The following TRIP12 variants were observed in gnomAD, a reference collection of about 807,000 sequenced individuals.
The protein encoded by TRIP12 is thyroid hormone receptor interactor 12.
Under a neutral mutation model 244.2 loss-of-function variants are expected in TRIP12, and 25 were observed. That is an observed-to-expected ratio of 0.10 (90% CI 0.07 to 0.14). TRIP12 has a LOEUF of 0.14. TRIP12 is among the 10% of genes least tolerant of loss of function. The probability of loss-of-function intolerance (pLI) is 1.00; values close to 1 mark genes in which losing one functional copy is unlikely to be tolerated. For missense variants in TRIP12, 1,677 were observed against 2,486.4 expected (o/e 0.67, Z 6.92); for synonymous variants, 905 against 873.1 (o/e 1.04, Z -0.64).
rs1559263809 is a variant in TRIP12 at position 229,767,745 on chromosome 2, G to A, written c.6013C>T (p.Arg2005Trp). Residue 2005 changes from arginine (R) to tryptophan (W), a missense_variant, in exon 42 of 42, where the codon CGG (arginine) becomes TGG (tryptophan). By Grantham distance (101) the Arg-to-Trp change is moderately radical. Around this residue, in one of 11 missense-constraint regions of TRIP12, gnomAD observed 171 missense variants for 388.4 expected, o/e 0.44. Coordinates refer to ENST00000675903, the MANE Select transcript of TRIP12 (RefSeq NM_001348323.3). ...GSPRLPVGGF[R>W]SLNPPLTIVR... ...ATTGTCAAAGGTGGATTCAAACTCC[G>A]GAATCCTGATTAAGAGAAAAAGAAA... 6 of 1,605,624 alleles carry A rather than the reference G, an allele frequency of 3.7e-6. No homozygotes were observed. Among genetic ancestry groups the A allele is most frequent in the African/African-American group, 1.3e-5 (1 of 74,476 alleles).
chr2:229,893,496 T>G (rs1408508892), intron 1 of TRIP12, among the ~76,000 whole-genome samples: 1 of 151,634 alleles, frequency 6.6e-6, no homozygotes, highest in Non-Finnish European at 1.5e-5. Flanking sequence ...TGTTCTAATT[T>G]TTTTTTTTTT....
intron 22 of TRIP12, 74 bp downstream of exon 22, chr2:229,799,209 T>C: frequency 6.4e-7 from 1 of 1,562,310 alleles, no homozygotes; most frequent in Non-Finnish European, 8.8e-7. Context: ...CTACTGGCAG[T>C]TTTAATAAAG....
intron 1 of TRIP12, among the ~76,000 whole-genome samples, chr2:229,885,803 G>A (rs1291941186): frequency 1.3e-5 from 2 of 152,022 alleles, no homozygotes; most frequent in African/African-American, 4.8e-5. Flanking sequence ...GGAGCTTACT[G>A]CTCTGTATCG....
chr2:229,839,801 G>A (rs1360795713), intron 5 of TRIP12, among the ~76,000 whole-genome samples: 1 of 152,190 alleles, frequency 6.6e-6, no homozygotes, highest in Admixed American at 6.5e-5. Context: ...AAGCCGAGAG[G>A]AAGTTGCAGG....
At chr2:229,882,707 T>C (rs960975122) in intron 1 of TRIP12, among the ~76,000 whole-genome samples, 6 of 152,218 alleles carry the variant, frequency 3.9e-5, no homozygotes, top group Admixed American at 3.3e-4. Context: ...GGTTAGTAGT[T>C]GTCACCTGCC....
Position 229,797,823 on chromosome 2 carries a change from A to G in TRIP12, c.3491T>C (p.Ile1164Thr). The G allele has an allele frequency of 1.9e-6, 3 of 1,613,190 alleles. No homozygotes were observed. Among genetic ancestry groups the G allele is most frequent in the Non-Finnish European group, 2.5e-6 (3 of 1,179,622 alleles). The change falls in exon 24 of 42, where the codon ATT (isoleucine) becomes ACT (threonine). Residue 1164 changes from isoleucine (I) to threonine (T), a missense_variant. Coordinates refer to ENST00000675903, the MANE Select transcript of TRIP12 (RefSeq NM_001348323.3). ...KDTISNNREK[I>T]KGWIKEQAHK... Reference sequence around the variant, plus strand: ...TGCCTGCTCCTTAATCCAACCTTTAATTTTTTCTCTACAAGAAACAAAAAG... The same window carrying G: ...TGCCTGCTCCTTAATCCAACCTTTAGTTTTTTCTCTACAAGAAACAAAAAG...
At chr2:229,840,987 T>C in intron 4 of TRIP12, 60 bp from the exon 5 acceptor site, 2 of 1,274,384 alleles carry the variant, frequency 1.6e-6, no homozygotes. Context: ...TAATTAAAAA[T>C]TATAAAATTC....
intron 4 of TRIP12, among the ~76,000 whole-genome samples, chr2:229,847,211 A>T (rs961696734): frequency 1.1e-4 from 16 of 152,216 alleles, no homozygotes; most frequent in African/African-American, 3.9e-4. Context: ...GTTATTTGAA[A>T]GGAAACCACT....
At position 229,850,357 on chromosome 2, in the gene TRIP12, T is replaced by A. The variant is rs180740619; in HGVS notation, c.1027+8415A>T. Among the ~76,000 whole-genome samples, 39 of 152,314 alleles carry A rather than the reference T, an allele frequency of 2.6e-4. No individual in the cohort carries two copies. In the East Asian group the frequency reaches 7.1e-3, roughly 28 times the overall value. Reference sequence around the variant, plus strand: ...TTAGTAATTTTTCAAAGCGGTCACATATTGGAACTTCTAAACTTTTAAGTT... The same window carrying A: ...TTAGTAATTTTTCAAAGCGGTCACAAATTGGAACTTCTAAACTTTTAAGTT... On this transcript the variant is annotated intron_variant, in intron 4 of 41. Coordinates refer to ENST00000675903, the MANE Select transcript of TRIP12 (RefSeq NM_001348323.3).
chr2:229,806,141 TG>T (rs1575273114), intron 17 of TRIP12: 3 of 302,788 alleles, frequency 9.9e-6, no homozygotes, highest in Non-Finnish European at 1.2e-5. Flanking sequence ...AAAATCTTGA[TG>T]AAAGATCCAC....
In TRIP12 at chr2:229,864,004, AAG is replaced by A. The variant is rs1163408528; in HGVS notation, c.99-3475_99-3474del. 1.8e-3 allele frequency among the ~76,000 whole-genome samples: 143 copies of A among 81,342 alleles called. No individual in the cohort carries two copies. The East Asian group carries it at 0.033, about 19-fold the overall frequency. The allele number at this position is 81,342 out of a possible 152,430, so 53.4% of individuals were successfully genotyped here. On this transcript the variant is annotated intron_variant, in intron 2 of 41. Transcript: ENST00000675903. ...AATTATAGCCCAAAGATTTGGGTGA[AAG>A]AGAGAGAGAGAGAGAGAGAGAGAGA...
At chr2:229,845,638 A>G (rs2057417390) in intron 4 of TRIP12, among the ~76,000 whole-genome samples, 1 of 152,226 alleles carries the variant, frequency 6.6e-6, no homozygotes, top group Admixed American at 6.5e-5. Context: ...AATACAGTAT[A>G]CAAATTAATA....
intron 2 of TRIP12, among the ~76,000 whole-genome samples, chr2:229,871,370 T>C (rs1232988936): frequency 6.6e-6 from 1 of 152,222 alleles, no homozygotes; most frequent in African/African-American, 2.4e-5. Context: ...TGTTGAAATG[T>C]TGGAGATGGG....
chr2:229,777,076 C>T (rs1008547649), intron 37 of TRIP12, among the ~76,000 whole-genome samples: 5 of 152,062 alleles, frequency 3.3e-5, no homozygotes, highest in Non-Finnish European at 7.4e-5. Context: ...TGAAAGGAGT[C>T]CTTATTTATG....
Position 229,908,601 on chromosome 2 carries a change from G to A in TRIP12, c.-50+13279C>T, listed in dbSNP as rs112350737. Reference sequence around the variant, plus strand: ...CAAAAAATTAGCCGGGCGTGGTGGCGGGCGCCTGTAGTCCCAGCTACTCGG... The same window carrying A: ...CAAAAAATTAGCCGGGCGTGGTGGCAGGCGCCTGTAGTCCCAGCTACTCGG... On this transcript the variant is annotated intron_variant, in intron 1 of 41. Coordinates refer to ENST00000675903, the MANE Select transcript of TRIP12 (RefSeq NM_001348323.3). Among the ~76,000 whole-genome samples the A allele has an allele frequency of 5.3e-3, 801 of 152,008 alleles. 9 individuals are homozygous for A. Among genetic ancestry groups the A allele is most frequent in the African/African-American group, 0.019 (773 of 41,448 alleles).
At chr2:229,818,764 G>C (rs751858764) in intron 8 of TRIP12, among the ~76,000 whole-genome samples, 32 of 151,942 alleles carry the variant, frequency 2.1e-4, no homozygotes, top group Non-Finnish European at 4.4e-4. Context: ...TGGTTTTACA[G>C]CAAAAACAAA....
chr2:229,860,579 AAATAC>A (rs2154337186), intron 2 of TRIP12, 48 bp from the exon 3 acceptor site: 1 of 1,531,680 alleles, frequency 6.5e-7, no homozygotes, highest in East Asian at 2.3e-5. Flanking sequence ...ACTGAGATGC[AAATAC>A]AATACTGAAA....
chr2:229,881,295 C>G (rs550915390), intron 1 of TRIP12, among the ~76,000 whole-genome samples: 1 of 152,254 alleles, frequency 6.6e-6, no homozygotes, highest in East Asian at 1.9e-4. Context: ...GTAAAACAAG[C>G]CAACATAACA....
intron 8 of TRIP12, among the ~76,000 whole-genome samples, chr2:229,824,883 G>T (rs2051115556): frequency 6.6e-6 from 1 of 152,142 alleles, no homozygotes; most frequent in Non-Finnish European, 1.5e-5. Context: ...AATATATGTT[G>T]TTTGTAGATT....
Sources: gnomAD v4.1 joint callset for allele counts (sites outside exome capture counted in the v4.1 genomes callset) on GRCh38, gnomAD v4.1.1 for gene constraint, gnomAD v4.1.1 regional missense constraint, MANE v1.5 for transcripts, NCBI Gene and HGNC (gene_info 2026-07-23, HGNC 2026-07-21) for gene names.